SPOCK3: variants seen among roughly 807,000 people sequenced by gnomAD.
SPOCK3 encodes SPARC (osteonectin), cwcv and kazal like domains proteoglycan 3.
In SPOCK3, 30 loss-of-function variants were observed where a neutral mutation model predicts 56.6. That is an observed-to-expected ratio of 0.53 (90% CI 0.40 to 0.72). The LOEUF (loss-of-function observed/expected upper bound fraction) is 0.72. SPOCK3 is among the 30% of genes least tolerant of loss of function. The probability of loss-of-function intolerance (pLI) is 0.00; values close to 1 mark genes in which losing one functional copy is unlikely to be tolerated. For synonymous variants in SPOCK3, 196 were observed against 183.3 expected (o/e 1.07, Z -0.56); for missense variants, 527 against 530.0 (o/e 0.99, Z 0.06).
intron 2 of SPOCK3, among the ~76,000 whole-genome samples, chr4:167,123,141 G>C (rs181843603): frequency 1.3e-5 from 2 of 151,766 alleles, no homozygotes; most frequent in Non-Finnish European, 2.9e-5. Flanking sequence ...ATTGAGTGAG[G>C]CAAATAAAAT....
chr4:167,061,798 A>T (rs1040334122), intron 3 of SPOCK3, among the ~76,000 whole-genome samples: 1 of 151,996 alleles, frequency 6.6e-6, no homozygotes, highest in African/African-American at 2.4e-5. Context: ...GACTACAGAA[A>T]GTTACAAAAA....
Position 167,099,221 on chromosome 4 carries a change from A to T in SPOCK3, c.190-36684T>A, listed in dbSNP as rs572166649. On this transcript the variant is annotated intron_variant, in intron 2 of 10. Coordinates refer to ENST00000357545, the MANE Select transcript of SPOCK3 (RefSeq NM_001040159.2). ...TCTCGGTTAATGTATTAAAAGCATA[A>T]AACTGCAAGATTTTAACATTTTCTT... Among the ~76,000 whole-genome samples the T allele has an allele frequency of 3.3e-5, 5 of 152,086 alleles. No individual in the cohort carries two copies. In the East Asian group the frequency reaches 9.6e-4, roughly 29 times the overall value.
intron 2 of SPOCK3, among the ~76,000 whole-genome samples, chr4:167,103,077 C>T (rs1044357213): frequency 6.6e-6 from 1 of 151,838 alleles, no homozygotes; most frequent in Admixed American, 6.6e-5. Flanking sequence ...TCCCAGATAA[C>T]ACATCAGGGA....
chr4:166,879,533 T>A (rs1045061382), intron 6 of SPOCK3, among the ~76,000 whole-genome samples: 1 of 152,166 alleles, frequency 6.6e-6, no homozygotes, highest in Non-Finnish European at 1.5e-5. Flanking sequence ...TTAAAAAATA[T>A]GTACATATTT....
intron 7 of SPOCK3, among the ~76,000 whole-genome samples, chr4:166,784,814 G>A (rs2126630253): frequency 6.6e-6 from 1 of 152,172 alleles, no homozygotes. Context: ...CATTTGGCTT[G>A]TAGGAAAGCA....
intron 2 of SPOCK3, among the ~76,000 whole-genome samples, chr4:167,207,769 T>C (rs928222004): frequency 6.6e-6 from 1 of 152,096 alleles, no homozygotes; most frequent in Non-Finnish European, 1.5e-5. Context: ...TACCTAATGC[T>C]AAATGACGAG....
At chr4:167,064,070 G>C (rs1231956547) in intron 2 of SPOCK3, among the ~76,000 whole-genome samples, 1 of 151,636 alleles carries the variant, frequency 6.6e-6, no homozygotes, top group Non-Finnish European at 1.5e-5. Flanking sequence ...AGAAAATGTA[G>C]CACTGACTTC....
chr4:167,110,224 A>C (rs1382218756), intron 2 of SPOCK3, among the ~76,000 whole-genome samples: 1 of 151,942 alleles, frequency 6.6e-6, no homozygotes, highest in Admixed American at 6.6e-5. Context: ...ACTTTCCCCC[A>C]TTCCCCCAAG....
chr4:166,956,456 T>C (rs987359220), intron 4 of SPOCK3, among the ~76,000 whole-genome samples: 2 of 152,022 alleles, frequency 1.3e-5, no homozygotes, highest in Admixed American at 6.6e-5. Context: ...CAGCTACTAA[T>C]TGACAAATGG....
At chr4:166,898,769 A>C (rs1390026126) in intron 5 of SPOCK3, among the ~76,000 whole-genome samples, 1 of 152,180 alleles carries the variant, frequency 6.6e-6, no homozygotes, top group African/African-American at 2.4e-5. Flanking sequence ...ATCGTTTGCC[A>C]AAAATAGGTG....
At chr4:166,972,424 T>G (rs1047297284) in intron 4 of SPOCK3, among the ~76,000 whole-genome samples, 1 of 152,064 alleles carries the variant, frequency 6.6e-6, no homozygotes, top group East Asian at 1.9e-4. Flanking sequence ...TGTCTCAAGT[T>G]AGCTCCCTGT....
chr4:167,118,930 G>A (rs1761643366), intron 2 of SPOCK3, among the ~76,000 whole-genome samples: 1 of 152,024 alleles, frequency 6.6e-6, no homozygotes, highest in Non-Finnish European at 1.5e-5. Flanking sequence ...GCTGGTTTAA[G>A]CCCTTCTTAC....
At chr4:166,887,987 T>C (rs1452291218) in intron 6 of SPOCK3, among the ~76,000 whole-genome samples, 1 of 152,110 alleles carries the variant, frequency 6.6e-6, no homozygotes, top group African/African-American at 2.4e-5. Flanking sequence ...AATCGGCTAA[T>C]TTATTTTTGA....
intron 2 of SPOCK3, among the ~76,000 whole-genome samples, chr4:167,173,537 T>G (rs775572779): frequency 9.2e-5 from 14 of 152,128 alleles, no homozygotes; most frequent in Non-Finnish European, 1.5e-4. Flanking sequence ...TCATATGGCC[T>G]TCTAAAATTA....
At chr4:167,026,756 A>C (rs566461505) in intron 3 of SPOCK3, among the ~76,000 whole-genome samples, 5 of 151,696 alleles carry the variant, frequency 3.3e-5, no homozygotes, top group Admixed American at 3.3e-4. Flanking sequence ...TTCATCCTGT[A>C]TGTTAAATTA....
intron 3 of SPOCK3, among the ~76,000 whole-genome samples, chr4:167,045,685 GTACCT>G (rs1753649578): frequency 6.6e-6 from 1 of 151,978 alleles, no homozygotes; most frequent in Non-Finnish European, 1.5e-5. Context: ...GGTAGTGCAA[GTACCT>G]TACAATAATA....
intron 10 of SPOCK3, 132 bp downstream of exon 10, chr4:166,737,335 C>T (rs968086692): frequency 1.1e-6 from 1 of 929,762 alleles, no homozygotes; most frequent in South Asian, 2.3e-5. Flanking sequence ...TTTTGTCACT[C>T]CCTCCACCCT....
chr4:166,792,308 C>T lies in SPOCK3; in HGVS notation c.590-19G>A, dbSNP rs755043115. On this transcript the variant is annotated intron_variant, in intron 6 of 10. Coordinates refer to ENST00000357545, the MANE Select transcript of SPOCK3 (RefSeq NM_001040159.2). ...CTGCATGCTAAAAACAGAGAAACAA[C>T]ACAAGTCTTGAATAATATCTTAGTA... 17 of 1,613,090 alleles carry T rather than the reference C, an allele frequency of 1.1e-5. No homozygotes were observed. In the South Asian group the frequency reaches 1.6e-4, roughly 16 times the overall value.
At chr4:166,987,565 T>C (rs1747307783) in intron 4 of SPOCK3, among the ~76,000 whole-genome samples, 1 of 152,198 alleles carries the variant, frequency 6.6e-6, no homozygotes, top group Non-Finnish European at 1.5e-5. Flanking sequence ...TGGCTCACAA[T>C]AGATGATCAA....
Sources: allele counts gnomAD v4.1 joint callset (sites outside exome capture counted in the v4.1 genomes callset), GRCh38; gene constraint gnomAD v4.1.1; transcripts MANE v1.5; gene names NCBI Gene and HGNC (gene_info 2026-07-23, HGNC 2026-07-21).